B3GALNT2: variants seen among roughly 807,000 people sequenced by gnomAD.
The protein encoded by B3GALNT2 is beta-1,3-N-acetylgalactosaminyltransferase 2, also known as UDP-GalNAc:beta-1,3-N-acetylgalactosaminyltransferase 2.
B3GALNT2 carries 53 observed loss-of-function variants against 61.1 expected under a neutral mutation model. The observed-to-expected ratio is 0.87, with a 90% confidence interval of 0.70 to 1.09. The LOEUF is 1.09. Ranked by LOEUF, B3GALNT2 falls within the 50% of genes least tolerant of loss-of-function variation. The pLI is 0.00. For missense variants in B3GALNT2, 544 were observed against 623.0 expected (o/e 0.87, Z 1.35); for synonymous variants, 223 against 237.4 (o/e 0.94, Z 0.56).
intron 3 of B3GALNT2, among the ~76,000 whole-genome samples, chr1:235,488,692 CAAAAAAAAAAAAA>C (rs11436508): frequency 2.6e-5 from 1 of 37,970 alleles, no homozygotes; most frequent in Admixed American, 5.2e-4. Flanking sequence ...ACTCCATCTC[CAAAAAAAAAAAAA>C]AAAAAAAAAA....
intron 6 of B3GALNT2, among the ~76,000 whole-genome samples, chr1:235,468,024 C>A (rs1276153887): frequency 6.6e-6 from 1 of 152,188 alleles, no homozygotes; most frequent in Admixed American, 6.5e-5. Context: ...AGGTGATCTG[C>A]CCAACTCAGC....
chr1:235,484,464 C>T lies in B3GALNT2; in HGVS notation c.413G>A (p.Gly138Glu), dbSNP rs1383154315. 5 of 1,614,142 alleles carry T rather than the reference C, an allele frequency of 3.1e-6. No individual in the cohort carries two copies. The East Asian group carries it at 1.1e-4, about 36-fold the overall frequency. The part of the protein sequence containing the change: ...AFSLSEDTSS[G>E]LPEDRVVSVS... ...GCTGACAACTCGATCCTCAGGCAGCCCCGATGAAGTGTCTTCGGACAGACT... is the reference window on the plus strand; with the variant it reads ...GCTGACAACTCGATCCTCAGGCAGCTCCGATGAAGTGTCTTCGGACAGACT... The change falls in exon 4 of 12, where the codon GGG becomes GAG. Residue 138 changes from glycine to glutamate, a missense_variant. Physicochemically the swap from Gly to Glu is moderately conservative, Grantham distance 98. Coordinates refer to ENST00000366600, the MANE Select transcript of B3GALNT2 (RefSeq NM_152490.5).
intron 10 of B3GALNT2, among the ~76,000 whole-genome samples, chr1:235,453,611 A>G (rs1363006975): frequency 1.3e-5 from 2 of 151,924 alleles, no homozygotes; most frequent in East Asian, 3.9e-4. Flanking sequence ...GCGCCCAGCT[A>G]ATTTTTTGTA....
rs772013510 is a variant in B3GALNT2 at position 235,484,428 on chromosome 1, C to T, written c.449G>A (p.Arg150Gln). ...PEDRVVSVSFRVLYPIVITSL... is the reference protein window; with the variant it reads ...PEDRVVSVSFQVLYPIVITSL... Reference sequence around the variant, plus strand: ...GGTAATAACGATGGGGTAGAGAACTCGGAAACTCACGCTGACAACTCGATC... The same window carrying T: ...GGTAATAACGATGGGGTAGAGAACTTGGAAACTCACGCTGACAACTCGATC... Residue 150 changes from arginine to glutamine, a missense_variant, in exon 4 of 12, where the codon CGA (arginine) becomes CAA (glutamine). Physicochemically the swap from Arg to Gln is conservative, Grantham distance 43 (BLOSUM62 1). Coordinates refer to ENST00000366600, the MANE Select transcript of B3GALNT2 (RefSeq NM_152490.5). 5.0e-6 allele frequency: 8 copies of T among 1,614,032 alleles called. No homozygotes were observed. The highest frequency in any genetic ancestry group is 1.3e-5 in the African/African-American group (1 of 74,906).
intron 5 of B3GALNT2, among the ~76,000 whole-genome samples, chr1:235,475,577 C>T (rs749959088): frequency 2.0e-5 from 3 of 151,942 alleles, no homozygotes; most frequent in Non-Finnish European, 4.4e-5. Context: ...ATCATTCTTC[C>T]GAGCAAACAA....
At chr1:235,498,843 CAAAAAAAAAAAAAAAAAA>C (rs57291873) in intron 1 of B3GALNT2, among the ~76,000 whole-genome samples, 4 of 64,088 alleles carry the variant, frequency 6.2e-5, no homozygotes, top group South Asian at 1.0e-3. Flanking sequence ...GACTCCTTCT[CAAAAAAAAAAAAAAAAAA>C]AAAAAAAAAA....
intron 1 of B3GALNT2, among the ~76,000 whole-genome samples, chr1:235,501,919 T>A (rs1484264895): frequency 2.0e-5 from 3 of 152,204 alleles, no homozygotes; most frequent in Non-Finnish European, 4.4e-5. Flanking sequence ...AAAGGAATTA[T>A]GGGAAATTTT....
At chr1:235,499,202 GATAA>G (rs1383831058) in intron 1 of B3GALNT2, among the ~76,000 whole-genome samples, 4 of 152,130 alleles carry the variant, frequency 2.6e-5, no homozygotes, top group African/African-American at 9.7e-5. Context: ...ATCATATTAA[GATAA>G]ACAGGCGATA....
At chr1:235,455,961 A>G (rs566845064) in intron 8 of B3GALNT2, among the ~76,000 whole-genome samples, 4 of 152,326 alleles carry the variant, frequency 2.6e-5, no homozygotes, top group East Asian at 1.9e-4. Context: ...TAAATGGAAC[A>G]TATGTTCAAA....
chr1:235,487,227 T>C (rs1257450970), intron 3 of B3GALNT2, among the ~76,000 whole-genome samples: 3 of 151,698 alleles, frequency 2.0e-5, no homozygotes, highest in African/African-American at 7.3e-5. Flanking sequence ...ACACAATTCA[T>C]ACATAAAATT....
intron 8 of B3GALNT2, 91 bp downstream of exon 8, chr1:235,458,512 G>A: frequency 2.7e-6 from 4 of 1,461,054 alleles, no homozygotes; most frequent in Non-Finnish European, 3.6e-6. Flanking sequence ...CCTAGTAAGG[G>A]GTTTCCTTAC....
chr1:235,441,589 G>A, the B3GALNT2 span: 1 of 563,656 alleles, frequency 1.8e-6, no homozygotes. Context: ...CAATGAGCTA[G>A]ATAAGCTACA....
chr1:235,500,116 CT>C (rs1685520166), intron 1 of B3GALNT2, among the ~76,000 whole-genome samples: 1 of 152,088 alleles, frequency 6.6e-6, no homozygotes, highest in Non-Finnish European at 1.5e-5. Context: ...AGAACTATTT[CT>C]TTTCTTAATA....
At chr1:235,465,874 C>T (rs761352935) in intron 6 of B3GALNT2, 160 bp from the exon 7 acceptor site, 33 of 716,110 alleles carry the variant, frequency 4.6e-5, no homozygotes, top group Non-Finnish European at 7.0e-5. Flanking sequence ...GGATGACATA[C>T]GGTATTCTAC....
chr1:235,446,174 C>G (rs970750235), downstream of B3GALNT2, among the ~76,000 whole-genome samples: 1 of 149,856 alleles, frequency 6.7e-6, no homozygotes, highest in Non-Finnish European at 1.5e-5. Flanking sequence ...ATTATAAAAC[C>G]TATACATCCT....
Position 235,504,172 on chromosome 1 carries a change from C to T in B3GALNT2, c.81G>A (p.Pro27=). The change falls in exon 1 of 12, where the codon CCG becomes CCA. Residue 27 remains proline, a synonymous_variant. Transcript: ENST00000366600. The part of the protein sequence containing the change: ...LHLWLRLRSP[P]PACASGAGPA... ...GGCCGGCCCCGGAGGCGCAGGCGGG[C>T]GGCGGGGAGCGCAGCCGCAGCCAGA... 7.7e-7 allele frequency: 1 copy of T among 1,297,694 alleles called. No individual in the cohort carries two copies. Among genetic ancestry groups the T allele is most frequent in the Non-Finnish European group, 9.7e-7 (1 of 1,028,560 alleles). The allele number at this position is 1,297,694 out of a possible 1,614,324, so 80.4% of individuals were successfully genotyped here.
chr1:235,450,044 G>A lies in B3GALNT2; in HGVS notation c.*162C>T. 1.3e-6 allele frequency: 1 copy of A among 746,928 alleles called. No individual in the cohort carries two copies. The highest frequency in any genetic ancestry group is 2.0e-6 in the Non-Finnish European group (1 of 493,270). 46.3% of individuals were successfully genotyped at this position (746,928 alleles called of 1,614,324 possible). On this transcript the variant is annotated 3_prime_UTR_variant, in exon 12 of 12. Transcript: ENST00000366600. ...CAAGTTGATTTTTAAGGAAATTTGT[G>A]CAAACATTAAGAAACACCGCATTGG... is the stretch of plus-strand genomic sequence containing the variant.
Position 235,484,355 on chromosome 1 carries a change from G to A in B3GALNT2, c.522C>T (p.Asn174=). 6.2e-7 allele frequency: 1 copy of A among 1,614,160 alleles called. No individual in the cohort carries two copies. Among genetic ancestry groups the A allele is most frequent in the Non-Finnish European group, 8.5e-7 (1 of 1,180,014 alleles). Residue 174 remains asparagine (N), a synonymous_variant, in exon 4 of 12, where the codon AAC becomes AAT. Coordinates refer to ENST00000366600, the MANE Select transcript of B3GALNT2 (RefSeq NM_152490.5). ...YDANDVGFQR[N]ITVKLYQAEQ... ...CTGCCTGATAAAGTTTGACAGTGAT[G>A]TTCCTCTGGAAACCCACATCATTGG...
chr1:235,472,186 TAATGC>T (rs1684039313), intron 5 of B3GALNT2, among the ~76,000 whole-genome samples: 1 of 152,180 alleles, frequency 6.6e-6, no homozygotes. Flanking sequence ...ATTTGCTACT[TAATGC>T]TATTTTTGAA....
Sources: allele counts gnomAD v4.1 joint callset (sites outside exome capture counted in the v4.1 genomes callset), GRCh38; gene constraint gnomAD v4.1.1; transcripts MANE v1.5; gene names NCBI Gene and HGNC (gene_info 2026-07-23, HGNC 2026-07-21).